Variants in RBPJ observed in about 807,000 individuals in gnomAD.
The protein encoded by RBPJ is recombining binding protein suppressor of hairless.
RBPJ carries 9 observed loss-of-function variants against 67.8 expected under a neutral mutation model. The ratio of observed to expected loss-of-function variants is 0.13; its 90% CI spans 0.08 to 0.23. RBPJ has a LOEUF of 0.23. Among genes scored for constraint, RBPJ ranks in the 10% least tolerant of loss-of-function variants. The pLI, the probability that RBPJ is intolerant of heterozygous loss-of-function variation, is 1.00. For synonymous variants in RBPJ, 198 were observed against 203.3 expected, an observed-to-expected ratio of 0.97 and a Z score of 0.22; for missense variants, 305 against 595.6, an observed-to-expected ratio of 0.51 and a Z score of 5.08.
chr4:26,206,168 G>C (rs923049382), intron 1 of RBPJ, among the ~76,000 whole-genome samples: 4 of 152,072 alleles, frequency 2.6e-5, no homozygotes, highest in African/African-American at 9.7e-5. Flanking sequence ...AAAAGATTTC[G>C]AACATTCTAA....
At chr4:26,108,857 C>T in the RBPJ span, among the ~76,000 whole-genome samples, 1 of 152,168 alleles carries the variant, frequency 6.6e-6, no homozygotes, top group Non-Finnish European at 1.5e-5. Flanking sequence ...CAGTGTGTAA[C>T]CTGTCCAAGC....
chr4:26,429,876 T>G, intron 8 of RBPJ, 22 bp from the exon 9 acceptor site: 1 of 1,606,620 alleles, frequency 6.2e-7, no homozygotes, highest in Non-Finnish European at 8.5e-7. Flanking sequence ...AAACTTAGTT[T>G]CTAAACTTCT....
intron 1 of RBPJ, among the ~76,000 whole-genome samples, chr4:26,303,903 T>C (rs1287977443): frequency 6.6e-6 from 1 of 152,224 alleles, no homozygotes; most frequent in Non-Finnish European, 1.5e-5. Context: ...TACCATATAA[T>C]TCACTCACCT....
At chr4:26,251,651 A>C (rs1252930437) in intron 1 of RBPJ, among the ~76,000 whole-genome samples, 47 of 139,522 alleles carry the variant, frequency 3.4e-4, no homozygotes, top group African/African-American at 1.2e-3. Flanking sequence ...AAAAAAAAAA[A>C]ATCCTGGCTA....
intron 1 of RBPJ, among the ~76,000 whole-genome samples, chr4:26,324,755 C>T (rs1723445203): frequency 6.6e-6 from 1 of 152,170 alleles, no homozygotes; most frequent in Admixed American, 6.5e-5. Flanking sequence ...TCTCAAACTC[C>T]TGACCTCAAG....
At chr4:26,105,787 A>T in the RBPJ span, among the ~76,000 whole-genome samples, 4 of 152,118 alleles carry the variant, frequency 2.6e-5, no homozygotes, top group Non-Finnish European at 5.9e-5. Context: ...AAGTAAGTTG[A>T]CCTGTTACTT....
chr4:26,306,866 T>A (rs926450697), intron 1 of RBPJ, among the ~76,000 whole-genome samples: 9 of 152,006 alleles, frequency 5.9e-5, no homozygotes, highest in Non-Finnish European at 1.0e-4. Flanking sequence ...TAGGATTTTT[T>A]AAAAATTAAA....
chr4:26,280,259 G>A (rs1219348902), intron 1 of RBPJ, among the ~76,000 whole-genome samples: 2 of 151,834 alleles, frequency 1.3e-5, no homozygotes, highest in Non-Finnish European at 2.9e-5. Flanking sequence ...AGTCAGGTAT[G>A]GTGGCAGGTG....
chr4:26,235,785 C>T (rs1719433483), intron 1 of RBPJ, among the ~76,000 whole-genome samples: 1 of 152,226 alleles, frequency 6.6e-6, no homozygotes, highest in Admixed American at 6.5e-5. Context: ...CCTCTTCAGT[C>T]TCCTGCCAGT....
intron 1 of RBPJ, among the ~76,000 whole-genome samples, chr4:26,375,096 A>C (rs943119629): frequency 1.3e-5 from 2 of 151,968 alleles, no homozygotes; most frequent in African/African-American, 4.8e-5. Flanking sequence ...GGAGCTCAGG[A>C]GTTTGAGACT....
intron 1 of RBPJ, among the ~76,000 whole-genome samples, chr4:26,346,915 C>G (rs201739643): frequency 6.6e-6 from 1 of 151,936 alleles, no homozygotes; most frequent in Admixed American, 6.6e-5. Context: ...TCACTTGAAC[C>G]CGGGAGGCGG....
At chr4:26,183,566 T>C (rs1717099658) in intron 1 of RBPJ, among the ~76,000 whole-genome samples, 1 of 152,202 alleles carries the variant, frequency 6.6e-6, no homozygotes, top group Admixed American at 6.5e-5. Context: ...CTCAGACAAC[T>C]AGAAGACAAT....
chr4:26,317,281 A>T (rs1722682886), upstream of RBPJ, among the ~76,000 whole-genome samples: 1 of 151,924 alleles, frequency 6.6e-6, no homozygotes, highest in South Asian at 2.1e-4. Flanking sequence ...CATCAGGCAA[A>T]GACAAGAAAG....
chr4:26,358,637 A>C (rs1479850682), intron 1 of RBPJ, among the ~76,000 whole-genome samples: 1 of 144,740 alleles, frequency 6.9e-6, no homozygotes, highest in African/African-American at 2.6e-5. Context: ...AAAAAAAGTT[A>C]GTGGGGTACG....
chr4:26,162,390 T>C (rs867828184), upstream of RBPJ, among the ~76,000 whole-genome samples: 29 of 152,230 alleles, frequency 1.9e-4, no homozygotes, highest in African/African-American at 6.8e-4. Context: ...TCCATAATGT[T>C]ACTTAAGAGA....
the RBPJ span, chr4:26,113,702 C>G: frequency 3.6e-6 from 1 of 277,974 alleles, no homozygotes; most frequent in African/African-American, 2.2e-5. Flanking sequence ...GAAGTCAAAT[C>G]TCATTGTCCA....
chr4:26,395,222 C>T lies in RBPJ; in HGVS notation c.59+8831C>T, dbSNP rs564113267. Among the ~76,000 whole-genome samples, 4 of 152,048 alleles carry T rather than the reference C, an allele frequency of 2.6e-5. No homozygotes were observed. The East Asian group carries it at 7.8e-4, about 30-fold the overall frequency. On this transcript the variant is annotated intron_variant, in intron 2 of 10. Coordinates refer to ENST00000355476, the MANE Select transcript of RBPJ (RefSeq NM_015874.6). ...CTGTAATCCCAGCATTTTGGGTGGCCAAGGCAGGAGGATTGCTTGAGTCCA... is the reference window on the plus strand; with the variant it reads ...CTGTAATCCCAGCATTTTGGGTGGCTAAGGCAGGAGGATTGCTTGAGTCCA...
chr4:26,126,025 C>G, the RBPJ span, among the ~76,000 whole-genome samples: 2 of 152,030 alleles, frequency 1.3e-5, no homozygotes, highest in African/African-American at 4.8e-5. Context: ...CCTGTGTGCT[C>G]CAACCTTACA....
chr4:26,381,335 TTTAC>T (rs1016035425), intron 1 of RBPJ, among the ~76,000 whole-genome samples: 3 of 152,072 alleles, frequency 2.0e-5, no homozygotes, highest in African/African-American at 7.2e-5. Flanking sequence ...ATGCAGGTTT[TTTAC>T]TTACTTGAAA....
Sources: gnomAD v4.1 joint callset for allele counts (sites outside exome capture counted in the v4.1 genomes callset) on GRCh38, gnomAD v4.1.1 for gene constraint, MANE v1.5 for transcripts, NCBI Gene and HGNC (gene_info 2026-07-23, HGNC 2026-07-21) for gene names.